CNTLN: variants seen among roughly 807,000 people sequenced by gnomAD.
CNTLN encodes the protein centlein, centrosomal protein.
CNTLN carries 212 observed loss-of-function variants against 180.0 expected under a neutral mutation model. The observed-to-expected ratio is 1.18, with a 90% CI of 1.05 to 1.32. The LOEUF is 1.32. CNTLN is among the 40% of genes most tolerant of loss of function. The pLI, the probability that CNTLN is intolerant of heterozygous loss-of-function variation, is 0.00. For synonymous variants in CNTLN, 722 were observed against 563.1 expected (o/e 1.28, Z -3.99); for missense variants, 2,095 against 1,610.9 (o/e 1.30, Z -5.14).
intron 2 of CNTLN, among the ~76,000 whole-genome samples, chr9:17,169,683 C>T (rs1330743994): frequency 6.6e-6 from 1 of 151,938 alleles, no homozygotes; most frequent in East Asian, 1.9e-4. Flanking sequence ...GTATTCTTGG[C>T]ACCTTTGTTG....
chr9:17,203,490 G>C (rs1222562330), intron 2 of CNTLN, among the ~76,000 whole-genome samples: 1 of 152,088 alleles, frequency 6.6e-6, no homozygotes, highest in Non-Finnish European at 1.5e-5. Flanking sequence ...GTTTGGTCTT[G>C]TCACATAGTG....
intron 8 of CNTLN, among the ~76,000 whole-genome samples, chr9:17,317,940 G>A (rs113302299): frequency 0.016 from 2,404 of 152,010 alleles, 68 homozygotes; most frequent in African/African-American, 0.055. Context: ...AGCCGTTGGT[G>A]TGTTTTTTGT....
intron 2 of CNTLN, among the ~76,000 whole-genome samples, chr9:17,212,890 C>T (rs555688074): frequency 4.4e-4 from 67 of 152,172 alleles, no homozygotes; most frequent in South Asian, 1.7e-3. Flanking sequence ...TCTGTGGGAT[C>T]GGTGGTGATA....
chr9:17,361,881 G>C (rs1246272203), intron 12 of CNTLN, among the ~76,000 whole-genome samples: 1 of 152,186 alleles, frequency 6.6e-6, no homozygotes, highest in African/African-American at 2.4e-5. Flanking sequence ...ATTTTAAATT[G>C]TGGTCCTCAT....
intron 2 of CNTLN, among the ~76,000 whole-genome samples, chr9:17,175,308 C>T (rs569149232): frequency 4.7e-4 from 72 of 152,114 alleles, no homozygotes; most frequent in Non-Finnish European, 7.6e-4. Flanking sequence ...TTTTGAGTTA[C>T]TATTTGTTTA....
chr9:17,255,344 T>C (rs1023274210), intron 5 of CNTLN, among the ~76,000 whole-genome samples: 1 of 151,784 alleles, frequency 6.6e-6, no homozygotes, highest in African/African-American at 2.4e-5. Context: ...GCCTTTGTTA[T>C]GTTGAAGTAG....
intron 5 of CNTLN, among the ~76,000 whole-genome samples, chr9:17,244,307 G>C (rs931879299): frequency 6.6e-6 from 1 of 151,706 alleles, no homozygotes; most frequent in Non-Finnish European, 1.5e-5. Context: ...CACCTCCTAG[G>C]CTCAAGCAAT....
At chr9:17,357,276 A>G (rs1438534081) in intron 12 of CNTLN, among the ~76,000 whole-genome samples, 2 of 150,532 alleles carry the variant, frequency 1.3e-5, no homozygotes, top group East Asian at 2.0e-4. Flanking sequence ...GGTTTTTTCC[A>G]TGTTCCAGCT....
intron 18 of CNTLN, among the ~76,000 whole-genome samples, chr9:17,454,353 T>C (rs1564120367): frequency 2.0e-5 from 3 of 152,220 alleles, no homozygotes; most frequent in Admixed American, 1.3e-4. Flanking sequence ...AGTCAACTTT[T>C]AAATTGAAAT....
intron 15 of CNTLN, among the ~76,000 whole-genome samples, chr9:17,408,274 C>T (rs1827563869): frequency 6.6e-6 from 1 of 152,016 alleles, no homozygotes; most frequent in Non-Finnish European, 1.5e-5. Context: ...AAAAGCTCAT[C>T]CATGTGGGAA....
chr9:17,235,746 T>G lies in CNTLN; in HGVS notation c.623T>G (p.Phe208Cys). ...DEENAFLRKE[F>C]SDLEKKFKDK... ...GAAAATGCTTTCTTAAGGAAAGAATTCAGTGACTTGGAGAAGAAATTTAAA... is the reference window on the plus strand; with the variant it reads ...GAAAATGCTTTCTTAAGGAAAGAATGCAGTGACTTGGAGAAGAAATTTAAA... Residue 208 changes from phenylalanine (F) to cysteine (C), a missense_variant, in exon 4 of 26, where the codon TTC becomes TGC. Physicochemically the swap from Phe to Cys is radical, Grantham distance 205. Transcript: ENST00000380647. The G allele has an allele frequency of 6.2e-7, 1 of 1,605,782 alleles. No homozygotes were observed. Among genetic ancestry groups the G allele is most frequent in the Non-Finnish European group, 8.5e-7 (1 of 1,176,832 alleles).
chr9:17,244,753 A>AT (rs1338205740), intron 5 of CNTLN, among the ~76,000 whole-genome samples: 2 of 150,490 alleles, frequency 1.3e-5, no homozygotes, highest in African/African-American at 4.9e-5. Context: ...AGTAAAGGTG[A>AT]TTTTCTCTGG....
chr9:17,218,794 G>A (rs1823935452), intron 2 of CNTLN, among the ~76,000 whole-genome samples: 1 of 151,964 alleles, frequency 6.6e-6, no homozygotes, highest in Non-Finnish European at 1.5e-5. Context: ...CAATATCACT[G>A]CCTCATTTAT....
At chr9:17,278,016 C>T (rs1828422463) in intron 6 of CNTLN, among the ~76,000 whole-genome samples, 1 of 152,092 alleles carries the variant, frequency 6.6e-6, no homozygotes, top group Non-Finnish European at 1.5e-5. Flanking sequence ...AATTAGTATC[C>T]TGTGACGGAA....
At chr9:17,510,062 G>A in the CNTLN span, among the ~76,000 whole-genome samples, 5 of 152,004 alleles carry the variant, frequency 3.3e-5, no homozygotes, top group Non-Finnish European at 7.4e-5. Flanking sequence ...ATCCTTTACG[G>A]TATCTCTTAG....
intron 18 of CNTLN, among the ~76,000 whole-genome samples, chr9:17,422,634 T>A (rs1487906102): frequency 6.6e-6 from 1 of 152,314 alleles, no homozygotes; most frequent in African/African-American, 2.4e-5. Flanking sequence ...TCTTGGTTCA[T>A]TGAGCTTCCT....
At chr9:17,295,997 AGTGTGTGTGTGTGTGTGTGTGTGTGT>A in intron 6 of CNTLN, among the ~76,000 whole-genome samples, 1 of 91,342 alleles carries the variant, frequency 1.1e-5, no homozygotes, top group Non-Finnish European at 2.0e-5. Context: ...AGAGAGAGAG[AGTGTGTGTGTGTGTGTGTGTGTGTGT>A]GTGTGTGTGT....
chr9:17,345,142 T>C (rs1821781464), intron 12 of CNTLN, among the ~76,000 whole-genome samples: 1 of 152,210 alleles, frequency 6.6e-6, no homozygotes, highest in East Asian at 1.9e-4. Context: ...TTTTTCTAGT[T>C]TTTTGCAATT....
chr9:17,268,025 C>T (rs1310013422), intron 5 of CNTLN, among the ~76,000 whole-genome samples: 2 of 152,132 alleles, frequency 1.3e-5, no homozygotes, highest in Admixed American at 1.3e-4. Context: ...TTGAAGCCTT[C>T]TTCTCTCAAC....
Sources: allele counts gnomAD v4.1 joint callset (sites outside exome capture counted in the v4.1 genomes callset), GRCh38; gene constraint gnomAD v4.1.1; transcripts MANE v1.5; gene names NCBI Gene and HGNC (gene_info 2026-07-23, HGNC 2026-07-21).